The following FRMD4A variants were observed in gnomAD, a reference collection of about 807,000 sequenced individuals.
FRMD4A encodes the protein FERM domain-containing protein 4A.
Under a neutral mutation model 129.1 loss-of-function variants are expected in FRMD4A, and 29 were observed. The ratio of observed to expected loss-of-function variants is 0.22; its 90% CI spans 0.17 to 0.31. The LOEUF (loss-of-function observed/expected upper bound fraction) is 0.31. FRMD4A is among the 10% of genes least tolerant of loss of function. The pLI is 1.00. For synonymous variants in FRMD4A, 634 were observed against 571.6 expected, an observed-to-expected ratio of 1.11 and a Z score of -1.56; for missense variants, 1,272 against 1,375.8, an observed-to-expected ratio of 0.92 and a Z score of 1.19.
At position 13,806,965 on chromosome 10, in the gene FRMD4A, A is replaced by G. The variant is rs553252334; in HGVS notation, c.206+3849T>C. Among the ~76,000 whole-genome samples the G allele has an allele frequency of 2.4e-3, 360 of 152,096 alleles. 3 individuals carry two copies. Among genetic ancestry groups the G allele is most frequent in the Admixed American group, 8.5e-3 (130 of 15,274 alleles). ...TGGGATTACAGGCATGTGACACCAT[A>G]CCCGGATGATTTTTTGTATTTTTAG... On this transcript the variant is annotated intron_variant, in intron 4 of 24. Transcript: ENST00000357447.
Position 13,810,827 on chromosome 10 carries a change from A to G in FRMD4A, c.193T>C (p.Phe65Leu). 1 of 1,571,962 alleles carries G rather than the reference A, an allele frequency of 6.4e-7. No homozygotes were observed. ...LKEKEYFGIA[F>L]TDETGHLNWL... ...GGCAGTACTTACGTTTCATCTGTGA[A>G]TGCTATTCCAAAGTACTCCTTTTCC... The change falls in exon 4 of 25, where the codon TTC becomes CTC. Residue 65 changes from phenylalanine to leucine, a missense_variant. This residue lies in a region of FRMD4A where 300 missense variants were observed against 483.6 expected (regional missense o/e 0.62). Coordinates refer to ENST00000357447, the MANE Select transcript of FRMD4A (RefSeq NM_018027.5).
intron 3 of FRMD4A, among the ~76,000 whole-genome samples, chr10:13,842,027 C>G (rs753762482): frequency 6.6e-6 from 1 of 152,180 alleles, no homozygotes; most frequent in African/African-American, 2.4e-5. Context: ...CCACTCAGCA[C>G]GTAACACTGC....
intron 2 of FRMD4A, among the ~76,000 whole-genome samples, chr10:14,145,781 C>A (rs1282479208): frequency 2.0e-5 from 3 of 152,122 alleles, no homozygotes; most frequent in African/African-American, 4.8e-5. Context: ...TCTCACTATG[C>A]TGCCTGAGAG....
intron 2 of FRMD4A, among the ~76,000 whole-genome samples, chr10:14,140,660 C>G (rs1416442323): frequency 6.6e-6 from 1 of 152,132 alleles, no homozygotes; most frequent in East Asian, 1.9e-4. Context: ...GTTGGTGGCT[C>G]CAAAGTTTTC....
chr10:14,094,241 G>A (rs535333034), intron 2 of FRMD4A, among the ~76,000 whole-genome samples: 1 of 152,316 alleles, frequency 6.6e-6, no homozygotes, highest in South Asian at 2.1e-4. Context: ...GACATGGCGC[G>A]TTGCCCATCC....
intron 5 of FRMD4A, among the ~76,000 whole-genome samples, chr10:13,794,128 A>G (rs1225143336): frequency 1.3e-5 from 2 of 152,148 alleles, no homozygotes; most frequent in Non-Finnish European, 1.5e-5. Context: ...CAGAGAATTA[A>G]TGCACATAAA....
intron 15 of FRMD4A, among the ~76,000 whole-genome samples, chr10:13,690,540 G>C (rs920468306): frequency 6.6e-6 from 1 of 152,190 alleles, no homozygotes; most frequent in African/African-American, 2.4e-5. Context: ...GTGGGTGTGG[G>C]GCACCCCAAG....
intron 2 of FRMD4A, among the ~76,000 whole-genome samples, chr10:13,973,995 A>T (rs1470216479): frequency 2.7e-5 from 4 of 149,530 alleles, no homozygotes; most frequent in Non-Finnish European, 5.9e-5. Context: ...AAAGCATGTA[A>T]TTATGGACTG....
intron 2 of FRMD4A, among the ~76,000 whole-genome samples, chr10:14,080,557 T>C (rs961542490): frequency 1.3e-5 from 2 of 152,092 alleles, no homozygotes; most frequent in African/African-American, 2.4e-5. Flanking sequence ...ATTGAGCCTC[T>C]TCTGGGGTGG....
intron 2 of FRMD4A, among the ~76,000 whole-genome samples, chr10:13,927,615 C>T (rs572876717): frequency 2.2e-4 from 33 of 152,304 alleles, no homozygotes; most frequent in South Asian, 1.2e-3. Context: ...ACGATCAGAA[C>T]GAGAGTCTAG....
At chr10:14,267,600 G>A (rs569821737) in intron 2 of FRMD4A, among the ~76,000 whole-genome samples, 4 of 152,164 alleles carry the variant, frequency 2.6e-5, no homozygotes, top group East Asian at 1.9e-4. Context: ...TTCTTTCAAC[G>A]TCTACAATTC....
At chr10:14,078,271 C>T (rs1188303528) in intron 2 of FRMD4A, among the ~76,000 whole-genome samples, 1 of 152,158 alleles carries the variant, frequency 6.6e-6, no homozygotes, top group East Asian at 1.9e-4. Flanking sequence ...AGGAGAAGAA[C>T]CTGGAGGGTC....
chr10:13,725,281 A>G (rs1311123457), intron 12 of FRMD4A, among the ~76,000 whole-genome samples: 1 of 152,160 alleles, frequency 6.6e-6, no homozygotes, highest in Non-Finnish European at 1.5e-5. Flanking sequence ...AAATAATGGC[A>G]GGGGGCAGGG....
chr10:13,840,515 G>A lies in FRMD4A; in HGVS notation c.111+18332C>T, dbSNP rs571241144. 1.2e-4 allele frequency among the ~76,000 whole-genome samples: 18 copies of A among 152,314 alleles called. No individual in the cohort carries two copies. In the South Asian group the frequency reaches 3.3e-3, roughly 28 times the overall value. On this transcript the variant is annotated intron_variant, in intron 3 of 24. Coordinates refer to ENST00000357447, the MANE Select transcript of FRMD4A (RefSeq NM_018027.5). Reference sequence around the variant, plus strand: ...TTAAAAAGTGGTCTAAGGACCATGTGGGTTGGCTCATGTCTGTAATCCCAG... The same window carrying A: ...TTAAAAAGTGGTCTAAGGACCATGTAGGTTGGCTCATGTCTGTAATCCCAG...
At chr10:13,779,282 C>T (rs1430726962) in intron 6 of FRMD4A, among the ~76,000 whole-genome samples, 1 of 151,038 alleles carries the variant, frequency 6.6e-6, no homozygotes, top group African/African-American at 2.4e-5. Context: ...TGCCATTACA[C>T]TACAGCCTGG....
chr10:13,954,654 C>A (rs1377530376), intron 2 of FRMD4A, among the ~76,000 whole-genome samples: 2 of 152,108 alleles, frequency 1.3e-5, no homozygotes, highest in Non-Finnish European at 2.9e-5. Context: ...GCCCTGCAGA[C>A]CCTGGTGTCA....
At chr10:13,792,477 T>C (rs960109612) in intron 5 of FRMD4A, among the ~76,000 whole-genome samples, 11 of 152,196 alleles carry the variant, frequency 7.2e-5, no homozygotes, top group East Asian at 1.9e-4. Flanking sequence ...GACACAAGGA[T>C]TGGAGTCAGA....
intron 2 of FRMD4A, among the ~76,000 whole-genome samples, chr10:14,243,751 A>T (rs1019176552): frequency 6.6e-6 from 1 of 152,034 alleles, no homozygotes; most frequent in Non-Finnish European, 1.5e-5. Context: ...CACAACTATG[A>T]ATGTACATTC....
chr10:13,871,850 T>A (rs1176313468), intron 2 of FRMD4A, among the ~76,000 whole-genome samples: 1 of 152,242 alleles, frequency 6.6e-6, no homozygotes, highest in Non-Finnish European at 1.5e-5. Flanking sequence ...AGCCACACAC[T>A]GTGCCTCCCT....
Sources: gnomAD v4.1 joint callset for allele counts (sites outside exome capture counted in the v4.1 genomes callset) on GRCh38, gnomAD v4.1.1 for gene constraint, gnomAD v4.1.1 regional missense constraint, MANE v1.5 for transcripts, NCBI Gene and HGNC (gene_info 2026-07-23, HGNC 2026-07-21) for gene names.